Variants in TCF7L1 observed in about 807,000 individuals in gnomAD.
TCF7L1 encodes the protein transcription factor 7 like 1.
Under a neutral mutation model 63.7 loss-of-function variants are expected in TCF7L1, and 18 were observed. The observed-to-expected ratio is 0.28, with a 90% CI of 0.20 to 0.42. The LOEUF (loss-of-function observed/expected upper bound fraction) is 0.42, where lower values mean the gene tolerates loss of function less well. Ranked by LOEUF, TCF7L1 falls within the 10% of genes least tolerant of loss-of-function variation. TCF7L1 has a pLI of 1.00. For missense variants in TCF7L1, 654 were observed against 779.3 expected (o/e 0.84, Z 1.91); for synonymous variants, 355 against 340.9 (o/e 1.04, Z -0.46).
intron 3 of TCF7L1, among the ~76,000 whole-genome samples, chr2:85,243,992 A>G (rs1201920746): frequency 1.3e-5 from 2 of 152,212 alleles, no homozygotes; most frequent in South Asian, 4.1e-4. Context: ...TAAAGCCTTC[A>G]GTTTGCTTGT....
intron 3 of TCF7L1, among the ~76,000 whole-genome samples, chr2:85,270,124 G>A (rs1438315079): frequency 6.6e-6 from 1 of 152,204 alleles, no homozygotes; most frequent in East Asian, 1.9e-4. Flanking sequence ...GCAGCTCCAG[G>A]CTGCCTGGCT....
intron 3 of TCF7L1, among the ~76,000 whole-genome samples, chr2:85,281,207 A>T (rs1332321589): frequency 6.6e-6 from 1 of 151,790 alleles, no homozygotes; most frequent in Non-Finnish European, 1.5e-5. Flanking sequence ...TATTTTTAGT[A>T]AGAGACGGGG....
intron 3 of TCF7L1, among the ~76,000 whole-genome samples, chr2:85,148,771 A>ATTTTTTTT (rs775984491): frequency 8.0e-6 from 1 of 125,014 alleles, no homozygotes; most frequent in African/African-American, 3.0e-5. Flanking sequence ...ACAGTATTTA[A>ATTTTTTTT]TTTTTTTTTT....
intron 3 of TCF7L1, among the ~76,000 whole-genome samples, chr2:85,157,843 C>T (rs959378229): frequency 6.6e-6 from 1 of 152,158 alleles, no homozygotes; most frequent in Non-Finnish European, 1.5e-5. Context: ...GACTGGCTCT[C>T]CTGCCTTCCC....
intron 3 of TCF7L1, among the ~76,000 whole-genome samples, chr2:85,195,127 A>G (rs918831070): frequency 6.6e-6 from 1 of 152,240 alleles, no homozygotes; most frequent in Non-Finnish European, 1.5e-5. Flanking sequence ...TCCACTACCT[A>G]CAAACCTTGT....
chr2:85,260,637 C>A (rs1269495650), intron 3 of TCF7L1, among the ~76,000 whole-genome samples: 1 of 126,208 alleles, frequency 7.9e-6, no homozygotes, highest in African/African-American at 2.7e-5. Context: ...GAGTGAGACC[C>A]TATCTCAAAA....
intron 3 of TCF7L1, among the ~76,000 whole-genome samples, chr2:85,200,975 T>TG (rs374513231): frequency 5.0e-4 from 76 of 152,062 alleles, no homozygotes; most frequent in African/African-American, 1.8e-3. Context: ...CCGAGGTGGG[T>TG]GGATTACCTG....
At chr2:85,207,895 G>A (rs951254405) in intron 3 of TCF7L1, among the ~76,000 whole-genome samples, 4 of 151,996 alleles carry the variant, frequency 2.6e-5, no homozygotes, top group African/African-American at 9.7e-5. Context: ...AGTAGATTAC[G>A]TCTATTAAAT....
At chr2:85,247,040 GCT>G (rs1165792577) in intron 3 of TCF7L1, among the ~76,000 whole-genome samples, 30 of 152,170 alleles carry the variant, frequency 2.0e-4, no homozygotes, top group African/African-American at 6.8e-4. Context: ...CTGTTACCAG[GCT>G]CTGTTTGTTT....
intron 3 of TCF7L1, chr2:85,232,820 T>G (rs541550435): frequency 1.3e-5 from 2 of 152,240 alleles, no homozygotes; most frequent in Non-Finnish European, 2.9e-5. Flanking sequence ...CTTACCCTGG[T>G]TAGCAATAAC....
chr2:85,146,838 A>AT (rs906315556), intron 3 of TCF7L1, among the ~76,000 whole-genome samples: 13 of 152,176 alleles, frequency 8.5e-5, no homozygotes, highest in African/African-American at 2.9e-4. Context: ...CTTAGGAGGC[A>AT]TTTTTAGTAC....
intron 3 of TCF7L1, among the ~76,000 whole-genome samples, chr2:85,238,118 A>G (rs1444002915): frequency 6.6e-6 from 1 of 152,154 alleles, no homozygotes; most frequent in Non-Finnish European, 1.5e-5. Flanking sequence ...GCCCTGGCGC[A>G]GTGGCAGCGA....
intron 4 of TCF7L1, among the ~76,000 whole-genome samples, chr2:85,286,312 A>C (rs1158088510): frequency 6.6e-6 from 1 of 151,354 alleles, no homozygotes; most frequent in Admixed American, 6.6e-5. Context: ...CTGAGATTGC[A>C]CCACTGCACT....
chr2:85,283,780 T>G (rs927602385), intron 4 of TCF7L1, among the ~76,000 whole-genome samples: 1 of 152,144 alleles, frequency 6.6e-6, no homozygotes, highest in East Asian at 1.9e-4. Flanking sequence ...CTCAGATGTT[T>G]TGTAATTGGA....
At chr2:85,139,094 C>T (rs1378802459) in intron 3 of TCF7L1, among the ~76,000 whole-genome samples, 1 of 151,988 alleles carries the variant, frequency 6.6e-6, no homozygotes, top group East Asian at 1.9e-4. Context: ...CTGCAACCTC[C>T]ACCTCCTGGG....
Position 85,303,897 on chromosome 2 carries a change from A to C in TCF7L1, c.661A>C (p.Ile221Leu). 1 of 1,609,658 alleles carries C rather than the reference A, an allele frequency of 6.2e-7. No homozygotes were observed. The highest frequency in any genetic ancestry group is 8.5e-7 in the Non-Finnish European group (1 of 1,177,142). Residue 221 changes from isoleucine (I) to leucine (L), a missense_variant and splice_region_variant, in exon 6 of 12, where the codon ATC becomes CTC. Ile to Leu is a conservative substitution (Grantham distance 5). Transcript: ENST00000282111. ...LSPEIDPKTG[I>L]PRPPHPSELS... ...GACATATCTCTCTTTGGAAGCAGGA[A>C]TCCCCCGGCCCCCTCACCCATCCGA...
chr2:85,203,875 T>G (rs1679334472), intron 3 of TCF7L1, among the ~76,000 whole-genome samples: 1 of 152,112 alleles, frequency 6.6e-6, no homozygotes, highest in African/African-American at 2.4e-5. Context: ...TGTTGAAGCA[T>G]CCTATAAAAG....
At chr2:85,281,804 A>G (rs1030668425) in intron 3 of TCF7L1, among the ~76,000 whole-genome samples, 1 of 152,112 alleles carries the variant, frequency 6.6e-6, no homozygotes, top group Non-Finnish European at 1.5e-5. Flanking sequence ...GTTCCTGCCC[A>G]TGGACACCTT....
At chr2:85,204,416 C>A (rs1679348439) in intron 3 of TCF7L1, among the ~76,000 whole-genome samples, 1 of 150,744 alleles carries the variant, frequency 6.6e-6, no homozygotes, top group Non-Finnish European at 1.5e-5. Context: ...GTAAGCATTC[C>A]CATGTTGGTA....
Sources: gnomAD v4.1 joint callset for allele counts (sites outside exome capture counted in the v4.1 genomes callset) on GRCh38, gnomAD v4.1.1 for gene constraint, MANE v1.5 for transcripts, NCBI Gene and HGNC (gene_info 2026-07-23, HGNC 2026-07-21) for gene names.